PDE4D: variants seen among roughly 807,000 people sequenced by gnomAD.
The protein encoded by PDE4D is phosphodiesterase 4D.
In PDE4D, 24 loss-of-function variants were observed where a neutral mutation model predicts 87.4. The ratio of observed to expected loss-of-function variants is 0.27; its 90% CI spans 0.20 to 0.39. The LOEUF (loss-of-function observed/expected upper bound fraction) is 0.39, where lower values mean the gene tolerates loss of function less well. Among genes scored for constraint, PDE4D ranks in the 10% least tolerant of loss-of-function variants. The pLI, the probability that PDE4D is intolerant of heterozygous loss-of-function variation, is 1.00. For synonymous variants in PDE4D, 384 were observed against 383.2 expected, an observed-to-expected ratio of 1.00 and a Z score of -0.02; for missense variants, 714 against 1,041.0, an observed-to-expected ratio of 0.69 and a Z score of 4.32.
chr5:59,092,901 T>C (rs1291216943), intron 5 of PDE4D, among the ~76,000 whole-genome samples: 1 of 152,234 alleles, frequency 6.6e-6, no homozygotes, highest in Non-Finnish European at 1.5e-5. Flanking sequence ...TCCAAGCTAC[T>C]TTCCTCCTCA....
At chr5:60,418,850 C>G (rs1167698977) in intron 1 of PDE4D, among the ~76,000 whole-genome samples, 1 of 152,066 alleles carries the variant, frequency 6.6e-6, no homozygotes. Context: ...TCCTCATTAA[C>G]CATCCCCCTC....
intron 1 of PDE4D, among the ~76,000 whole-genome samples, chr5:59,467,055 A>G (rs972308203): frequency 2.0e-5 from 3 of 152,186 alleles, no homozygotes; most frequent in Admixed American, 6.5e-5. Context: ...ACACAGACAC[A>G]TACAGAGGAA....
intron 1 of PDE4D, among the ~76,000 whole-genome samples, chr5:59,639,639 T>C (rs541596847): frequency 2.0e-5 from 3 of 152,220 alleles, no homozygotes; most frequent in South Asian, 4.2e-4. Flanking sequence ...ATTGAACTTG[T>C]TGAGTCTGAG....
At chr5:59,897,790 T>A (rs1751817440), upstream of PDE4D, among the ~76,000 whole-genome samples, 1 of 152,186 alleles carries the variant, frequency 6.6e-6, no homozygotes, top group South Asian at 2.1e-4. Flanking sequence ...ACAGTCAGCT[T>A]AAAATCGGAA....
chr5:59,893,686 C>CCTGATG lies in PDE4D; in HGVS notation c.-70_-65dup. 7.2e-7 allele frequency: 1 copy of CCTGATG among 1,395,986 alleles called. No homozygotes were observed. Among genetic ancestry groups the CCTGATG allele is most frequent in the Non-Finnish European group, 9.2e-7 (1 of 1,086,142 alleles). The allele number at this position is 1,395,986 out of a possible 1,614,324, so 86.5% of individuals were successfully genotyped here. On this transcript the variant is annotated 5_prime_UTR_variant, in exon 1 of 15. Coordinates refer to ENST00000340635, the MANE Select transcript of PDE4D (RefSeq NM_001104631.2). ...TTCACCGCGCTGGCCCGAGCGCCTTCCTGATGCTGCTGCTGCTGCTGCCGC... is the reference window on the plus strand; with the variant it reads ...TTCACCGCGCTGGCCCGAGCGCCTTCCTGATGCTGATGCTGCTGCTGCTGCTGCCGC...
At chr5:60,197,065 A>ACAGT (rs1303772259) in intron 1 of PDE4D, among the ~76,000 whole-genome samples, 7 of 103,954 alleles carry the variant, frequency 6.7e-5, no homozygotes, top group Admixed American at 1.0e-4. Context: ...AGATAGATAG[A>ACAGT]TAGATAGACA....
At chr5:59,663,052 G>A (rs1745500407) in intron 1 of PDE4D, among the ~76,000 whole-genome samples, 1 of 152,108 alleles carries the variant, frequency 6.6e-6, no homozygotes, top group South Asian at 2.1e-4. Flanking sequence ...ATTAAATTTT[G>A]CAATTTGTCT....
intron 1 of PDE4D, among the ~76,000 whole-genome samples, chr5:59,862,587 G>T (rs1055567499): frequency 2.0e-5 from 3 of 152,188 alleles, no homozygotes; most frequent in African/African-American, 7.2e-5. Flanking sequence ...CTCCACGTCT[G>T]TAAAATGGGG....
At chr5:59,047,511 T>G (rs571915000) in intron 5 of PDE4D, among the ~76,000 whole-genome samples, 3 of 152,272 alleles carry the variant, frequency 2.0e-5, no homozygotes, top group African/African-American at 7.2e-5. Flanking sequence ...GATTTGCTTT[T>G]CAAAAAGATT....
chr5:59,723,174 T>C (rs929481841), intron 1 of PDE4D, among the ~76,000 whole-genome samples: 13 of 152,048 alleles, frequency 8.5e-5, no homozygotes, highest in African/African-American at 3.1e-4. Flanking sequence ...ATACCTTCAA[T>C]GTTCTTGGGT....
intron 5 of PDE4D, among the ~76,000 whole-genome samples, chr5:59,097,282 A>G (rs1769905150): frequency 6.6e-6 from 1 of 152,234 alleles, no homozygotes; most frequent in Non-Finnish European, 1.5e-5. Context: ...GACTGGTAAT[A>G]CATCATGTCA....
At chr5:59,365,126 A>C (rs1287797930) in intron 1 of PDE4D, among the ~76,000 whole-genome samples, 1 of 152,222 alleles carries the variant, frequency 6.6e-6, no homozygotes, top group Non-Finnish European at 1.5e-5. Context: ...TAGAAATAAA[A>C]AATAACATGA....
chr5:59,792,301 C>T (rs869685), intron 1 of PDE4D, among the ~76,000 whole-genome samples: 2,998 of 152,220 alleles, frequency 0.02, 103 homozygotes, highest in African/African-American at 0.069. Flanking sequence ...AGAACCAATA[C>T]GTGGCAACGC....
chr5:60,460,545 CT>C, intron 1 of PDE4D: 1 of 1,393,188 alleles, frequency 7.2e-7, no homozygotes, highest in South Asian at 1.2e-5. Context: ...CTTTCAAAAT[CT>C]CCTCACTGGC....
intron 3 of PDE4D, among the ~76,000 whole-genome samples, chr5:59,908,315 C>CT (rs201909339): frequency 6.6e-6 from 1 of 151,996 alleles, no homozygotes; most frequent in Non-Finnish European, 1.5e-5. Flanking sequence ...TAAACTCAAA[C>CT]TTTTTTTTAA....
chr5:60,250,622 T>C (rs996499689), intron 1 of PDE4D, among the ~76,000 whole-genome samples: 1 of 151,982 alleles, frequency 6.6e-6, no homozygotes, highest in Non-Finnish European at 1.5e-5. Context: ...GCAGTACTTA[T>C]ATGTTTGTAG....
chr5:60,279,684 CTT>C (rs34720711), intron 1 of PDE4D, among the ~76,000 whole-genome samples: 4 of 138,610 alleles, frequency 2.9e-5, no homozygotes, highest in East Asian at 2.1e-4. Context: ...TTGTTGATTT[CTT>C]TTTTTTTTTT....
At chr5:60,046,666 C>A (rs1330460470) in intron 2 of PDE4D, among the ~76,000 whole-genome samples, 1 of 152,106 alleles carries the variant, frequency 6.6e-6, no homozygotes. Flanking sequence ...TGCTGGATTA[C>A]ATTTATTGAT....
At chr5:59,565,519 C>T (rs764538078) in intron 1 of PDE4D, among the ~76,000 whole-genome samples, 4 of 152,052 alleles carry the variant, frequency 2.6e-5, no homozygotes, top group Non-Finnish European at 5.9e-5. Context: ...ACCCTGTCTA[C>T]AAAAATGCTC....
Sources: allele counts gnomAD v4.1 joint callset (sites outside exome capture counted in the v4.1 genomes callset), GRCh38; gene constraint gnomAD v4.1.1; transcripts MANE v1.5; gene names NCBI Gene and HGNC (gene_info 2026-07-23, HGNC 2026-07-21).